Variants in GLI2 observed in about 807,000 individuals in gnomAD.
GLI2 encodes GLI family zinc finger 2, also known as transcription activator GLI2.
GLI2 carries 22 observed loss-of-function variants against 78.9 expected under a neutral mutation model. That is an observed-to-expected ratio of 0.28 (90% confidence interval 0.20 to 0.40). GLI2 has a LOEUF of 0.40. GLI2 is among the 10% of genes least tolerant of loss of function. GLI2 has a pLI of 1.00. For synonymous variants in GLI2, 974 were observed against 963.7 expected, an observed-to-expected ratio of 1.01 and a Z score of -0.20; for missense variants, 2,097 against 2,213.2, an observed-to-expected ratio of 0.95 and a Z score of 1.05.
At chr2:120,878,790 G>A (rs1010460144) in intron 2 of GLI2, among the ~76,000 whole-genome samples, 9 of 151,986 alleles carry the variant, frequency 5.9e-5, no homozygotes, top group Middle Eastern at 3.4e-3. Flanking sequence ...AAAATTAGCC[G>A]GGCGTGGTGG....
chr2:120,777,023 G>A (rs1306199794), intron 1 of GLI2, among the ~76,000 whole-genome samples: 5 of 152,364 alleles, frequency 3.3e-5, no homozygotes, highest in Non-Finnish European at 2.9e-5. Context: ...CACGGGGCAG[G>A]GGGCGGTGCT....
At chr2:120,882,210 A>G (rs1372889897) in intron 2 of GLI2, among the ~76,000 whole-genome samples, 1 of 152,068 alleles carries the variant, frequency 6.6e-6, no homozygotes, top group African/African-American at 2.4e-5. Flanking sequence ...CAGGAGCCAC[A>G]TCCTCCTTCC....
chr2:120,963,064 C>A (rs1316878694), intron 5 of GLI2, among the ~76,000 whole-genome samples: 1 of 152,092 alleles, frequency 6.6e-6, no homozygotes, highest in South Asian at 2.1e-4. Flanking sequence ...GCTGAGAGGG[C>A]GCCGAATGCA....
Position 120,809,230 on chromosome 2 carries a change from C to T in GLI2, c.148+11762C>T, listed in dbSNP as rs192775121. 5.4e-4 allele frequency among the ~76,000 whole-genome samples: 82 copies of T among 152,246 alleles called. No homozygotes were observed. The East Asian group carries it at 0.013, about 23-fold the overall frequency. The stretch of plus-strand genomic sequence containing the variant: ...ATCAATGGTATACACAAATGAACCT[C>T]GCAAACATATGCTAAGAGAAAGAAG... On this transcript the variant is annotated intron_variant, in intron 2 of 13. Transcript: ENST00000361492.
intron 1 of GLI2, among the ~76,000 whole-genome samples, chr2:120,790,104 G>T (rs940329317): frequency 6.6e-6 from 1 of 152,204 alleles, no homozygotes; most frequent in Non-Finnish European, 1.5e-5. Context: ...TGGGAACCAT[G>T]GATCCCAGGG....
intron 3 of GLI2, among the ~76,000 whole-genome samples, chr2:120,942,456 G>A (rs1162639429): frequency 6.6e-6 from 1 of 152,226 alleles, no homozygotes; most frequent in East Asian, 1.9e-4. Flanking sequence ...ATCTTACTCT[G>A]CTGTCTAAAG....
chr2:120,786,107 CAA>C (rs1683990798), intron 1 of GLI2, among the ~76,000 whole-genome samples: 1 of 152,172 alleles, frequency 6.6e-6, no homozygotes, highest in African/African-American at 2.4e-5. Context: ...CGTAAGAGGA[CAA>C]ACTCAGAGGA....
chr2:120,763,577 G>A (rs908077048), intron 1 of GLI2, among the ~76,000 whole-genome samples: 1 of 152,214 alleles, frequency 6.6e-6, no homozygotes, highest in African/African-American at 2.4e-5. Context: ...CTGGCCCTTG[G>A]GGAATGCTGT....
At chr2:120,740,805 G>A (rs1682511108) in intron 1 of GLI2, among the ~76,000 whole-genome samples, 2 of 152,248 alleles carry the variant, frequency 1.3e-5, no homozygotes, top group Admixed American at 1.3e-4. Context: ...ATTAGCACGG[G>A]ATTGGGATTG....
At chr2:120,829,806 G>A (rs938032533) in intron 2 of GLI2, among the ~76,000 whole-genome samples, 3 of 152,172 alleles carry the variant, frequency 2.0e-5, no homozygotes, top group African/African-American at 7.2e-5. Context: ...CCTTCATGGG[G>A]CACCTTCCCC....
chr2:120,984,822 G>A (rs886911629), intron 12 of GLI2, 79 bp downstream of exon 12: 29 of 1,496,138 alleles, frequency 1.9e-5, no homozygotes, highest in Non-Finnish European at 2.3e-5. Context: ...ACGGTTGCGG[G>A]CTCTGCCCTA....
intron 2 of GLI2, among the ~76,000 whole-genome samples, chr2:120,885,179 C>G (rs751052633): frequency 1.3e-5 from 2 of 152,250 alleles, no homozygotes; most frequent in Non-Finnish European, 2.9e-5. Flanking sequence ...TTCTGCACAT[C>G]ATGCAGACCG....
At chr2:120,835,090 A>G (rs1686545656) in intron 2 of GLI2, among the ~76,000 whole-genome samples, 1 of 152,190 alleles carries the variant, frequency 6.6e-6, no homozygotes, top group Non-Finnish European at 1.5e-5. Context: ...AAAAAAAGAC[A>G]ATCTCTCTGA....
intron 1 of GLI2, among the ~76,000 whole-genome samples, chr2:120,796,967 A>C (rs1684425418): frequency 6.6e-6 from 1 of 152,166 alleles, no homozygotes; most frequent in South Asian, 2.1e-4. Flanking sequence ...CATGATTCAC[A>C]GACAGAGGTC....
chr2:120,803,791 G>T (rs1479178460), intron 2 of GLI2, among the ~76,000 whole-genome samples: 1 of 152,248 alleles, frequency 6.6e-6, no homozygotes, highest in Non-Finnish European at 1.5e-5. Flanking sequence ...CAGCCCCTGG[G>T]CTGGGGCCTG....
chr2:120,893,396 G>T (rs1027166005), intron 2 of GLI2, among the ~76,000 whole-genome samples: 1 of 151,914 alleles, frequency 6.6e-6, no homozygotes, highest in Non-Finnish European at 1.5e-5. Context: ...CTTGCTGGGT[G>T]CCCCCAGCCC....
At chr2:120,967,535 T>C (rs2677529) in intron 5 of GLI2, among the ~76,000 whole-genome samples, 140,885 of 152,264 alleles carry the variant, frequency 0.93, 65,824 homozygotes, top group Non-Finnish European at 0.99. Context: ...AGCCTTTGGT[T>C]CTAGGGTGCA....
At chr2:120,954,479 G>C (rs1437399240) in intron 4 of GLI2, among the ~76,000 whole-genome samples, 1 of 152,152 alleles carries the variant, frequency 6.6e-6, no homozygotes, top group Admixed American at 6.5e-5. Flanking sequence ...GCATAAGAGA[G>C]CTCTTTTGGA....
intron 2 of GLI2, among the ~76,000 whole-genome samples, chr2:120,812,598 G>C (rs530965079): frequency 6.6e-6 from 1 of 152,102 alleles, no homozygotes; most frequent in Admixed American, 6.5e-5. Context: ...TGGCCTTCTG[G>C]GGGCATGTCT....
Sources: gnomAD v4.1 joint callset for allele counts (sites outside exome capture counted in the v4.1 genomes callset) on GRCh38, gnomAD v4.1.1 for gene constraint, MANE v1.5 for transcripts, NCBI Gene and HGNC (gene_info 2026-07-23, HGNC 2026-07-21) for gene names.